Variants in SPTBN1 observed in about 807,000 individuals in gnomAD.
SPTBN1 encodes the protein spectrin beta, non-erythrocytic 1.
Under a neutral mutation model 266.4 loss-of-function variants are expected in SPTBN1, and 32 were observed. The observed-to-expected ratio is 0.12, with a 90% CI of 0.09 to 0.16. SPTBN1 has a LOEUF of 0.16. Ranked by LOEUF, SPTBN1 falls within the 10% of genes least tolerant of loss-of-function variation. The pLI is 1.00. For missense variants in SPTBN1, 2,296 were observed against 3,067.1 expected, an observed-to-expected ratio of 0.75 and a Z score of 5.94; for synonymous variants, 1,336 against 1,162.2, an observed-to-expected ratio of 1.15 and a Z score of -3.04.
chr2:54,667,726 T>C, intron 35 of SPTBN1, 80 bp downstream of exon 35: 1 of 1,286,894 alleles, frequency 7.8e-7, no homozygotes, highest in Non-Finnish European at 1.1e-6. Context: ...ATTCAGAAAG[T>C]TCTTCATGTA....
chr2:54,575,692 A>C (rs2104544199), intron 2 of SPTBN1, among the ~76,000 whole-genome samples: 1 of 152,360 alleles, frequency 6.6e-6, no homozygotes, highest in Admixed American at 6.5e-5. Flanking sequence ...GCTGGATGAA[A>C]TACCTGCAGC....
At chr2:54,459,940 G>A (rs961832665) in intron 1 of SPTBN1, among the ~76,000 whole-genome samples, 1 of 152,130 alleles carries the variant, frequency 6.6e-6, no homozygotes, top group Non-Finnish European at 1.5e-5. Flanking sequence ...TATTGTGTGG[G>A]AATAACATCA....
At chr2:54,597,051 T>G (rs1477507393) in intron 2 of SPTBN1, among the ~76,000 whole-genome samples, 1 of 152,222 alleles carries the variant, frequency 6.6e-6, no homozygotes, top group Non-Finnish European at 1.5e-5. Context: ...TTTAGAAATA[T>G]TTTAATCCAA....
At chr2:54,457,835 A>G (rs1693148496) in intron 1 of SPTBN1, among the ~76,000 whole-genome samples, 1 of 152,186 alleles carries the variant, frequency 6.6e-6, no homozygotes, top group Admixed American at 6.5e-5. Context: ...TTCTTTTGGG[A>G]TGATCCCTCC....
At chr2:54,483,837 C>T (rs1668215029) in intron 1 of SPTBN1, among the ~76,000 whole-genome samples, 1 of 152,146 alleles carries the variant, frequency 6.6e-6, no homozygotes, top group Non-Finnish European at 1.5e-5. Flanking sequence ...CTGTTGCAGA[C>T]CTTATTGCCT....
chr2:54,611,019 A>G lies in SPTBN1; in HGVS notation c.301-1142A>G, dbSNP rs551336473. Among the ~76,000 whole-genome samples, 4 of 152,360 alleles carry G rather than the reference A, an allele frequency of 2.6e-5. 1 individual carries two copies. Among genetic ancestry groups the G allele is most frequent in the East Asian group, 1.9e-4 (1 of 5,196 alleles). On this transcript the variant is annotated intron_variant, in intron 3 of 35. Coordinates refer to ENST00000356805, the MANE Select transcript of SPTBN1 (RefSeq NM_003128.3). ...AGTTAGAGATGGCTCTGAAATTACT[A>G]TAGTAGTACAGTACATACCAAGATT...
At chr2:54,542,290 C>G (rs775710369) in intron 2 of SPTBN1, among the ~76,000 whole-genome samples, 11 of 152,164 alleles carry the variant, frequency 7.2e-5, no homozygotes, top group Non-Finnish European at 1.2e-4. Context: ...CATGAATGGC[C>G]TGAACATGCA....
chr2:54,657,732 A>G (rs900516506), intron 29 of SPTBN1, 118 bp from the exon 30 acceptor site: 108 of 1,220,592 alleles, frequency 8.8e-5, no homozygotes, highest in Non-Finnish European at 1.2e-4. Context: ...TTTAGAGTAG[A>G]CGATAGACTG....
chr2:54,614,273 G>A (rs1677425572), intron 4 of SPTBN1, among the ~76,000 whole-genome samples: 1 of 152,054 alleles, frequency 6.6e-6, no homozygotes, highest in Non-Finnish European at 1.5e-5. Context: ...TATCTATAAG[G>A]ATACTCCACA....
At chr2:54,560,671 T>A (rs1673239242) in intron 2 of SPTBN1, among the ~76,000 whole-genome samples, 1 of 152,244 alleles carries the variant, frequency 6.6e-6, no homozygotes, top group Non-Finnish European at 1.5e-5. Flanking sequence ...ATAATTTTTT[T>A]TAGTGTGACC....
intron 17 of SPTBN1, among the ~76,000 whole-genome samples, chr2:54,636,158 T>C (rs1334188246): frequency 6.6e-6 from 1 of 152,192 alleles, no homozygotes; most frequent in Non-Finnish European, 1.5e-5. Flanking sequence ...GTATAAACTA[T>C]TTTCATTTAG....
chr2:54,489,935 T>A lies in SPTBN1; in HGVS notation c.-48+33417T>A, dbSNP rs77429485. On this transcript the variant is annotated intron_variant, in intron 1 of 35. Coordinates refer to ENST00000356805, the MANE Select transcript of SPTBN1 (RefSeq NM_003128.3). ...GGATCAACGAGAAGACCTATGAGCC[T>A]AAAATGTTTGTAATTCTAGCTGTGT... Among the ~76,000 whole-genome samples, 1,477 of 152,314 alleles carry A rather than the reference T, an allele frequency of 9.7e-3. 17 individuals are homozygous for A. Among genetic ancestry groups the A allele is most frequent in the Non-Finnish European group, 0.015 (1,025 of 68,020 alleles).
In SPTBN1 at chr2:54,653,737, C is replaced by T. The variant is rs1228547252; in HGVS notation, c.5706C>T (p.Ser1902=). The change falls in exon 27 of 36, where the codon AGC becomes AGT. Residue 1902 remains serine (S), a synonymous_variant. Transcript: ENST00000356805. This position sits in a 1 kb window ranked among gnomAD's most constrained non-coding sequence, Gnocchi z 5.1. ...AGTCCCTCCTGGACGCCTGTGAGAG[C>T]CGCAGGGTGCGGCTGGTGGACACAG... ...AWKSLLDACE[S]RRVRLVDTGD... 5 of 1,614,228 alleles carry T rather than the reference C, an allele frequency of 3.1e-6. No individual in the cohort carries two copies. The highest frequency in any genetic ancestry group is 4.2e-6 in the Non-Finnish European group (5 of 1,180,034).
chr2:54,600,598 G>A (rs1676433759), intron 3 of SPTBN1, among the ~76,000 whole-genome samples: 1 of 152,104 alleles, frequency 6.6e-6, no homozygotes. Flanking sequence ...TGAGAGCCTA[G>A]ACTAGAATTA....
intron 2 of SPTBN1, among the ~76,000 whole-genome samples, chr2:54,595,643 C>G (rs571636381): frequency 2.6e-5 from 4 of 152,364 alleles, no homozygotes; most frequent in African/African-American, 9.6e-5. Context: ...CCGGCCATTT[C>G]TGCTGCCTTC....
At chr2:54,537,161 C>A (rs1295188487) in intron 2 of SPTBN1, among the ~76,000 whole-genome samples, 5 of 152,228 alleles carry the variant, frequency 3.3e-5, no homozygotes, top group African/African-American at 7.2e-5. Context: ...GGCCATGCGC[C>A]TCATTCATTG....
chr2:54,597,317 A>G (rs1223508704), intron 2 of SPTBN1, among the ~76,000 whole-genome samples: 1 of 152,236 alleles, frequency 6.6e-6, no homozygotes, highest in African/African-American at 2.4e-5. Context: ...TAAAGTTGCC[A>G]TCCATCACAA....
At chr2:54,638,357 T>C (rs1013095156) in intron 18 of SPTBN1, among the ~76,000 whole-genome samples, 4 of 152,262 alleles carry the variant, frequency 2.6e-5, no homozygotes, top group African/African-American at 7.2e-5. Context: ...GAACTGAAAC[T>C]GGCTACCAAG....
chr2:54,499,282 A>G (rs1232275891), intron 1 of SPTBN1, among the ~76,000 whole-genome samples: 3 of 151,896 alleles, frequency 2.0e-5, no homozygotes, highest in Non-Finnish European at 4.4e-5. Flanking sequence ...TGCTTCCTCC[A>G]TTTTTTTTGT....
Sources: gnomAD v4.1 joint callset for allele counts (sites outside exome capture counted in the v4.1 genomes callset) on GRCh38, gnomAD v4.1.1 for gene constraint, Gnocchi (gnomAD v3.1) non-coding constraint, MANE v1.5 for transcripts, NCBI Gene and HGNC (gene_info 2026-07-23, HGNC 2026-07-21) for gene names.